PCNX2: variants seen among roughly 807,000 people sequenced by gnomAD.
The protein encoded by PCNX2 is pecanex 2.
A neutral mutation model predicts 223.8 loss-of-function variants in PCNX2; 168 were observed. The observed-to-expected ratio is 0.75, with a 90% confidence interval of 0.66 to 0.85. The LOEUF is 0.85. Ranked by LOEUF, PCNX2 falls within the 40% of genes least tolerant of loss-of-function variation. PCNX2 has a pLI of 0.00. For missense variants in PCNX2, 2,507 were observed against 2,675.5 expected (o/e 0.94, Z 1.39); for synonymous variants, 1,006 against 1,052.6 (o/e 0.96, Z 0.86).
At position 233,000,601 on chromosome 1, in the gene PCNX2, C is replaced by T; in HGVS notation, c.5098-66G>A. 1.1e-5 allele frequency: 14 copies of T among 1,310,936 alleles called. No homozygotes were observed. Among genetic ancestry groups the T allele is most frequent in the Non-Finnish European group, 1.4e-5 (13 of 947,230 alleles). 81.2% of individuals were successfully genotyped at this position (1,310,936 alleles called of 1,614,324 possible). ...GAGGAACTCACCCCCAGGAAGCATG[C>T]AGATGGCAACTGGCCAGTGACCTCC... On this transcript the variant is annotated intron_variant, in intron 29 of 33. Transcript: ENST00000258229. This position sits in a 1 kb window ranked among gnomAD's most constrained non-coding sequence, Gnocchi z 4.6.
chr1:232,993,316 CAA>C (rs1669766990), intron 32 of PCNX2, among the ~76,000 whole-genome samples: 1 of 152,194 alleles, frequency 6.6e-6, no homozygotes, highest in South Asian at 2.1e-4. Context: ...TGTGCTTTAA[CAA>C]AGAGACTGGC....
At chr1:233,066,407 T>C (rs1177193105) in intron 23 of PCNX2, among the ~76,000 whole-genome samples, 1 of 152,216 alleles carries the variant, frequency 6.6e-6, no homozygotes, top group Non-Finnish European at 1.5e-5. Flanking sequence ...TTGGGGCTTT[T>C]TCTGGTTGCT....
At chr1:233,088,673 G>A (rs527883022) in intron 23 of PCNX2, among the ~76,000 whole-genome samples, 40 of 152,222 alleles carry the variant, frequency 2.6e-4, no homozygotes, top group Middle Eastern at 3.4e-3. Context: ...AACTCCTCAC[G>A]GGCCCGAAGT....
Position 232,984,101 on chromosome 1 carries a change from T to G in PCNX2, c.*203A>C, listed in dbSNP as rs1353192686. ...ATCATGTGAGGTTTTTTTGTTGTTG[T>G]TGTTTGATTTTTTTTTTTTTTTTTT... On this transcript the variant is annotated 3_prime_UTR_variant, in exon 34 of 34. Transcript: ENST00000258229. 1 of 403,816 alleles carries G rather than the reference T, an allele frequency of 2.5e-6. No homozygotes were observed. The highest frequency in any genetic ancestry group is 4.1e-6 in the Non-Finnish European group (1 of 244,160). The allele number at this position is 403,816 out of a possible 1,614,324, so 25.0% of individuals were successfully genotyped here.
Position 233,258,665 on chromosome 1 carries a change from A to G in PCNX2, c.1197T>C (p.Val399=). The G allele has an allele frequency of 6.2e-7, 1 of 1,613,982 alleles. No individual in the cohort carries two copies. Among genetic ancestry groups the G allele is most frequent in the Non-Finnish European group, 8.5e-7 (1 of 1,179,878 alleles). ...DLESSLHLRV[V]GTEKTSVKSD... Reference sequence around the variant, plus strand: ...ACTTTACACTGGTCTTCTCTGTGCCAACCACCCTCAGGTGGAGGGAGCTTT... The same window carrying G: ...ACTTTACACTGGTCTTCTCTGTGCCGACCACCCTCAGGTGGAGGGAGCTTT... Residue 399 remains valine, a synonymous_variant, in exon 5 of 34, where the codon GTT becomes GTC. Coordinates refer to ENST00000258229, the MANE Select transcript of PCNX2 (RefSeq NM_014801.4).
intron 19 of PCNX2, among the ~76,000 whole-genome samples, chr1:233,152,106 G>T (rs530070807): frequency 6.6e-6 from 1 of 152,336 alleles, no homozygotes; most frequent in South Asian, 2.1e-4. Flanking sequence ...ATCAGCCAGA[G>T]TATGAGAGTG....
At chr1:232,994,584 A>G (rs1040088502) in intron 32 of PCNX2, among the ~76,000 whole-genome samples, 1 of 152,192 alleles carries the variant, frequency 6.6e-6, no homozygotes, top group African/African-American at 2.4e-5. Flanking sequence ...GTTGGGAAGC[A>G]TGATTGGTTT....
chr1:233,309,627 T>C, the PCNX2 span, among the ~76,000 whole-genome samples: 1 of 151,650 alleles, frequency 6.6e-6, no homozygotes, highest in Non-Finnish European at 1.5e-5. Flanking sequence ...CCTGTAATCC[T>C]GGCACTTTGG....
chr1:233,316,167 C>T, the PCNX2 span, among the ~76,000 whole-genome samples: 10 of 152,160 alleles, frequency 6.6e-5, no homozygotes, highest in Non-Finnish European at 1.5e-4. Context: ...CATGAACAGG[C>T]AGGGCTCCAG....
chr1:233,271,433 C>G (rs1660630788), intron 1 of PCNX2, among the ~76,000 whole-genome samples: 2 of 152,162 alleles, frequency 1.3e-5, no homozygotes, highest in African/African-American at 4.8e-5. Flanking sequence ...TTCATTACCA[C>G]CAAGTTCCTT....
intron 15 of PCNX2, among the ~76,000 whole-genome samples, chr1:233,186,296 CTCTGT>C (rs1680092235): frequency 6.6e-6 from 1 of 152,094 alleles, no homozygotes; most frequent in African/African-American, 2.4e-5. Flanking sequence ...ACCATTTTGA[CTCTGT>C]ATAAGTCCTA....
intron 10 of PCNX2, among the ~76,000 whole-genome samples, chr1:233,221,263 A>G (rs957557737): frequency 1.3e-5 from 2 of 152,014 alleles, no homozygotes; most frequent in South Asian, 2.1e-4. Context: ...TTTATTTTCC[A>G]CTGTGCACTT....
intron 15 of PCNX2, among the ~76,000 whole-genome samples, chr1:233,192,690 C>A (rs777968737): frequency 6.6e-6 from 1 of 151,718 alleles, no homozygotes; most frequent in African/African-American, 2.4e-5. Flanking sequence ...TTATGAAGGT[C>A]GAATAATATG....
Position 233,200,587 on chromosome 1 carries a change from G to A in PCNX2, c.2864-323C>T, listed in dbSNP as rs189157961. On this transcript the variant is annotated intron_variant, in intron 13 of 33. Coordinates refer to ENST00000258229, the MANE Select transcript of PCNX2 (RefSeq NM_014801.4). ...AGAAAGAAGTACTGATGAAAGGAAC[G>A]CACACAAGGCCAGGACTGAGCAAAG... 2.0e-5 allele frequency among the ~76,000 whole-genome samples: 3 copies of A among 151,942 alleles called. No homozygotes were observed. The East Asian group carries it at 5.8e-4, about 29-fold the overall frequency.
intron 10 of PCNX2, 49 bp downstream of exon 10, chr1:233,227,177 C>G: frequency 6.5e-7 from 1 of 1,545,548 alleles, no homozygotes; most frequent in Non-Finnish European, 8.8e-7. Context: ...GGCACTGTCA[C>G]GTCCCCGGTG....
the PCNX2 span, among the ~76,000 whole-genome samples, chr1:233,308,839 A>G: frequency 6.6e-6 from 1 of 152,194 alleles, no homozygotes; most frequent in African/African-American, 2.4e-5. Flanking sequence ...TATTTTTTAA[A>G]GTAAAAGAAA....
chr1:233,315,715 T>C, the PCNX2 span, among the ~76,000 whole-genome samples: 2 of 152,168 alleles, frequency 1.3e-5, no homozygotes. Context: ...AAACAGGTAG[T>C]ATGACCAACT....
At chr1:233,064,285 T>C (rs1466077620) in intron 23 of PCNX2, among the ~76,000 whole-genome samples, 1 of 152,202 alleles carries the variant, frequency 6.6e-6, no homozygotes, top group Non-Finnish European at 1.5e-5. Flanking sequence ...CAGTACCATT[T>C]TTGTGTTAAC....
chr1:233,167,938 G>C, intron 17 of PCNX2: 1 of 652,508 alleles, frequency 1.5e-6, no homozygotes, highest in Non-Finnish European at 1.9e-6. Context: ...TCTTAGTTTT[G>C]TAATATAAAA....
Sources: gnomAD v4.1 joint callset for allele counts (sites outside exome capture counted in the v4.1 genomes callset) on GRCh38, gnomAD v4.1.1 for gene constraint, Gnocchi (gnomAD v3.1) non-coding constraint, MANE v1.5 for transcripts, NCBI Gene and HGNC (gene_info 2026-07-23, HGNC 2026-07-21) for gene names.